PCNX2: variants seen among roughly 807,000 people sequenced by gnomAD.
PCNX2 encodes pecanex 2.
PCNX2 carries 168 observed loss-of-function variants against 223.8 expected under a neutral mutation model. That is an observed-to-expected ratio of 0.75 (90% CI 0.66 to 0.85). The LOEUF (loss-of-function observed/expected upper bound fraction) is 0.85. Among genes scored for constraint, PCNX2 ranks in the 40% least tolerant of loss-of-function variants. The pLI, the probability that PCNX2 is intolerant of heterozygous loss-of-function variation, is 0.00. For synonymous variants in PCNX2, 1,006 were observed against 1,052.6 expected, an observed-to-expected ratio of 0.96 and a Z score of 0.86; for missense variants, 2,507 against 2,675.5, an observed-to-expected ratio of 0.94 and a Z score of 1.39.
At chr1:233,148,012 G>A (rs961519469) in intron 19 of PCNX2, among the ~76,000 whole-genome samples, 1 of 152,170 alleles carries the variant, frequency 6.6e-6, no homozygotes, top group Non-Finnish European at 1.5e-5. Context: ...TAGAAACCAG[G>A]TTGAACTGCA....
chr1:233,238,436 A>C (rs1468269719), intron 8 of PCNX2, among the ~76,000 whole-genome samples: 1 of 152,186 alleles, frequency 6.6e-6, no homozygotes, highest in East Asian at 1.9e-4. Flanking sequence ...GATGCCTGTA[A>C]TCCCAACACT....
At chr1:233,178,129 T>C (rs1679589869) in intron 16 of PCNX2, among the ~76,000 whole-genome samples, 1 of 152,232 alleles carries the variant, frequency 6.6e-6, no homozygotes, top group African/African-American at 2.4e-5. Flanking sequence ...ATCATTGCCC[T>C]CTATTGTCAG....
At chr1:233,028,891 T>C (rs1572027303) in intron 25 of PCNX2, among the ~76,000 whole-genome samples, 1 of 148,800 alleles carries the variant, frequency 6.7e-6, no homozygotes. Flanking sequence ...CATGCTGGAG[T>C]GCAATGGTGT....
chr1:233,272,222 A>G (rs1325433879), intron 1 of PCNX2, among the ~76,000 whole-genome samples: 1 of 152,058 alleles, frequency 6.6e-6, no homozygotes, highest in Non-Finnish European at 1.5e-5. Context: ...AGAATCGGAG[A>G]AAATCTTCAC....
intron 9 of PCNX2, chr1:233,232,945 A>C (rs890447707): frequency 1.4e-5 from 14 of 984,998 alleles, no homozygotes; most frequent in Non-Finnish European, 1.6e-5. Flanking sequence ...CACATACAAT[A>C]CTATCTCATT....
At chr1:233,055,148 T>G (rs1672147094) in intron 24 of PCNX2, among the ~76,000 whole-genome samples, 1 of 152,208 alleles carries the variant, frequency 6.6e-6, no homozygotes. Flanking sequence ...GGAGTTTGTG[T>G]GAATATGACT....
chr1:233,001,521 TA>T lies in PCNX2; in HGVS notation c.5097+15del, dbSNP rs200867900. Reference sequence around the variant, plus strand: ...ATAAATAAATAAATAAATAAATAAATAAAATAGGTTTTTACCTGGTGAAGTT... The same window carrying T: ...ATAAATAAATAAATAAATAAATAAATAAATAGGTTTTTACCTGGTGAAGTT... On this transcript the variant is annotated intron_variant, in intron 29 of 33. Coordinates refer to ENST00000258229, the MANE Select transcript of PCNX2 (RefSeq NM_014801.4). The surrounding 1 kb of genome is among the most constrained non-coding windows in gnomAD (Gnocchi z 4.2). 7.8e-6 allele frequency: 8 copies of T among 1,021,334 alleles called. No homozygotes were observed. In the African/African-American group the frequency reaches 1.2e-4, roughly 16 times the overall value. 63.3% of individuals were successfully genotyped at this position (1,021,334 alleles called of 1,614,324 possible).
chr1:233,256,496 T>A (rs1437595324), intron 5 of PCNX2, among the ~76,000 whole-genome samples: 1 of 152,146 alleles, frequency 6.6e-6, no homozygotes, highest in African/African-American at 2.4e-5. Context: ...AAGGCCTTCA[T>A]GCGCTCTGGG....
At chr1:233,240,542 G>A (rs1418749441) in intron 8 of PCNX2, among the ~76,000 whole-genome samples, 1 of 152,170 alleles carries the variant, frequency 6.6e-6, no homozygotes, top group Admixed American at 6.5e-5. Context: ...TACAGTACAC[G>A]ATACTTAGCA....
Position 232,986,286 on chromosome 1 carries a change from G to A in PCNX2, c.6046C>T (p.Leu2016Phe). 1.3e-6 allele frequency: 2 copies of A among 1,564,040 alleles called. No homozygotes were observed. The highest frequency in any genetic ancestry group is 1.7e-6 in the Non-Finnish European group (2 of 1,154,836). Residue 2016 changes from leucine (L) to phenylalanine (F), a missense_variant, in exon 33 of 34, where the codon CTC becomes TTC. By Grantham distance (22) the Leu-to-Phe change is conservative (BLOSUM62 0). Coordinates refer to ENST00000258229, the MANE Select transcript of PCNX2 (RefSeq NM_014801.4). ...HLSVRERAEA[L>F]IRSSLGSSTS... The stretch of plus-strand genomic sequence containing the variant: ...GAGGAGCCCAGGCTGGACCTGATGA[G>A]CGCCTCGGCCCGCTCACGGACACTC...
At position 233,248,997 on chromosome 1, in the gene PCNX2, C is replaced by G. The variant is rs113272869; in HGVS notation, c.2222+1742G>C. Among the ~76,000 whole-genome samples, 590 of 151,230 alleles carry G rather than the reference C, an allele frequency of 3.9e-3. 2 individuals are homozygous for G. The highest frequency in any genetic ancestry group is 0.013 in the African/African-American group (536 of 40,560). Reference sequence around the variant, plus strand: ...GAAATGCAGAGGAAATGAAAGAAAGCAGAAGCTGGAGGAAGTTTAATAGAG... The same window carrying G: ...GAAATGCAGAGGAAATGAAAGAAAGGAGAAGCTGGAGGAAGTTTAATAGAG... On this transcript the variant is annotated intron_variant, in intron 8 of 33. Coordinates refer to ENST00000258229, the MANE Select transcript of PCNX2 (RefSeq NM_014801.4).
rs561025078 is a variant in PCNX2, at chr1:233,045,353, G to A, written c.4351+8915C>T. 1.3e-3 allele frequency among the ~76,000 whole-genome samples: 205 copies of A among 152,330 alleles called. 1 individual carries two copies. The highest frequency in any genetic ancestry group is 2.9e-3 in the Admixed American group (44 of 15,310). ...ATTGAAGTCCAAGGTGGTCTTGAAA[G>A]CAATGTGCTAGGAAATACGTGGAGC... On this transcript the variant is annotated intron_variant, in intron 25 of 33. Coordinates refer to ENST00000258229, the MANE Select transcript of PCNX2 (RefSeq NM_014801.4).
At chr1:233,079,042 G>A (rs778530518) in intron 23 of PCNX2, among the ~76,000 whole-genome samples, 5 of 152,154 alleles carry the variant, frequency 3.3e-5, no homozygotes, top group Non-Finnish European at 7.3e-5. Context: ...GAGAAGGGAA[G>A]TGGAAGGACC....
chr1:233,075,740 A>ACAC (rs1558208132), intron 23 of PCNX2, among the ~76,000 whole-genome samples: 48 of 122,370 alleles, frequency 3.9e-4, no homozygotes, highest in African/African-American at 1.3e-3. Flanking sequence ...CACACACACA[A>ACAC]CAGAAAAGAA....
intron 25 of PCNX2, among the ~76,000 whole-genome samples, chr1:233,034,966 T>A (rs1189818340): frequency 6.6e-6 from 1 of 152,122 alleles, no homozygotes; most frequent in African/African-American, 2.4e-5. Flanking sequence ...CCCTGAAGCC[T>A]CTGGGATTAA....
intron 9 of PCNX2, chr1:233,231,524 C>A: frequency 1.7e-6 from 1 of 590,410 alleles, no homozygotes; most frequent in Non-Finnish European, 2.1e-6. Flanking sequence ...TCAGAACAGG[C>A]ACAGATGGTT....
rs550178249 is a variant in PCNX2, at chr1:233,279,744, A to G, written c.153+15582T>C. Among the ~76,000 whole-genome samples the G allele has an allele frequency of 7.2e-5, 11 of 152,330 alleles. No homozygotes were observed. In the South Asian group the frequency reaches 1.5e-3, roughly 20 times the overall value. On this transcript the variant is annotated intron_variant, in intron 1 of 33. Transcript: ENST00000258229. The stretch of plus-strand genomic sequence containing the variant: ...CATATATAATAATTTCAAAATATGT[A>G]TCAAATCTTATTAATAAGCTTACTG...
chr1:233,316,182 G>T, the PCNX2 span, among the ~76,000 whole-genome samples: 1 of 152,134 alleles, frequency 6.6e-6, no homozygotes, highest in Non-Finnish European at 1.5e-5. Context: ...CTCCAGTCCT[G>T]TCCACTGATT....
chr1:233,132,354 G>A (rs1299527026), intron 21 of PCNX2, among the ~76,000 whole-genome samples: 1 of 152,176 alleles, frequency 6.6e-6, no homozygotes, highest in Admixed American at 6.5e-5. Flanking sequence ...TGACAGCCAT[G>A]CTTACTCCCT....
Sources: allele counts gnomAD v4.1 joint callset (sites outside exome capture counted in the v4.1 genomes callset), GRCh38; gene constraint gnomAD v4.1.1; non-coding constraint Gnocchi (gnomAD v3.1); transcripts MANE v1.5; gene names NCBI Gene and HGNC (gene_info 2026-07-23, HGNC 2026-07-21).